The following NUMB variants were observed in gnomAD, a reference collection of about 807,000 sequenced individuals.
The protein encoded by NUMB is NUMB endocytic adaptor protein.
NUMB carries 29 observed loss-of-function variants against 59.7 expected under a neutral mutation model. That is an observed-to-expected ratio of 0.49 (90% CI 0.36 to 0.66). The LOEUF (loss-of-function observed/expected upper bound fraction) is 0.66. NUMB is among the 30% of genes least tolerant of loss of function. The pLI is 0.00. For synonymous variants in NUMB, 288 were observed against 288.2 expected, an observed-to-expected ratio of 1.00 and a Z score of 0.01; for missense variants, 723 against 822.0, an observed-to-expected ratio of 0.88 and a Z score of 1.47.
At chr14:73,293,235 T>C (rs1889515232) in intron 7 of NUMB, among the ~76,000 whole-genome samples, 1 of 152,066 alleles carries the variant, frequency 6.6e-6, no homozygotes, top group African/African-American at 2.4e-5. Flanking sequence ...CAAATACATA[T>C]AATAGTCATG....
chr14:73,299,534 T>C (rs984839775), intron 6 of NUMB, among the ~76,000 whole-genome samples: 82 of 140,128 alleles, frequency 5.9e-4, no homozygotes, highest in African/African-American at 2.3e-3. Context: ...ATAATATGTA[T>C]ATATATGTCA....
intron 1 of NUMB, among the ~76,000 whole-genome samples, 167 bp from the exon 2 acceptor site, chr14:73,410,235 G>A (rs1411328850): frequency 6.6e-6 from 1 of 152,182 alleles, no homozygotes; most frequent in African/African-American, 2.4e-5. Flanking sequence ...TCTTGAAACA[G>A]GGCAAAAATA....
At chr14:73,320,434 T>C (rs186572388) in intron 5 of NUMB, among the ~76,000 whole-genome samples, 1 of 152,332 alleles carries the variant, frequency 6.6e-6, no homozygotes, top group East Asian at 1.9e-4. Context: ...GGTCTCACTA[T>C]GTTACCCAGG....
chr14:73,349,447 C>T lies in NUMB; in HGVS notation c.126+6179G>A, dbSNP rs562575367. ...TACTAAAAATACAAAACTAGCTGGG[C>T]ATAGTGGCAGGCGCCTGTAATCCCA... On this transcript the variant is annotated intron_variant, in intron 4 of 12. Coordinates refer to ENST00000555238, the MANE Select transcript of NUMB (RefSeq NM_001005743.2). Among the ~76,000 whole-genome samples the T allele has an allele frequency of 1.2e-4, 18 of 151,862 alleles. No individual in the cohort carries two copies. In the East Asian group the frequency reaches 2.9e-3, roughly 24 times the overall value.
At position 73,279,399 on chromosome 14, in the gene NUMB, A is replaced by C; in HGVS notation, c.1122T>G (p.His374Gln). 6.3e-7 allele frequency: 1 copy of C among 1,596,858 alleles called. No homozygotes were observed. Among genetic ancestry groups the C allele is most frequent in the Non-Finnish European group, 8.5e-7 (1 of 1,171,970 alleles). Residue 374 changes from histidine to glutamine, a missense_variant, in exon 12 of 13, where the codon CAT becomes CAG. By Grantham distance (24) the His-to-Gln change is conservative (BLOSUM62 0). Around this residue, in one of 2 missense-constraint regions of NUMB, gnomAD observed 406 missense variants for 385.4 expected, o/e 1.05. Transcript: ENST00000555238. ...FQANGTDSAFHVLAKPAHTAL... is the reference protein window; with the variant it reads ...FQANGTDSAFQVLAKPAHTAL... ...CAGTATGGGCTGGCTTAGCAAGCAC[A>C]TGGAAGGCTGAGTCAGTGCCATTAG...
chr14:73,320,905 C>G (rs1594902013), intron 5 of NUMB, among the ~76,000 whole-genome samples: 1 of 150,732 alleles, frequency 6.6e-6, no homozygotes, highest in Admixed American at 6.6e-5. Context: ...AAAAAATCTA[C>G]TGAAACATTA....
chr14:73,405,925 G>T (rs897969640), intron 2 of NUMB, among the ~76,000 whole-genome samples: 3 of 151,832 alleles, frequency 2.0e-5, no homozygotes, highest in African/African-American at 7.3e-5. Context: ...CTGAGATAAT[G>T]AGTAGACCTA....
intron 4 of NUMB, among the ~76,000 whole-genome samples, chr14:73,326,448 G>A (rs1393406405): frequency 1.3e-5 from 2 of 151,988 alleles, no homozygotes; most frequent in Non-Finnish European, 2.9e-5. Flanking sequence ...CCAACATGGC[G>A]AAACCCCGTC....
At chr14:73,411,720 A>AT (rs1896901843) in intron 1 of NUMB, among the ~76,000 whole-genome samples, 1 of 152,132 alleles carries the variant, frequency 6.6e-6, no homozygotes. Context: ...CGGCTAATCT[A>AT]TTTTTACAGA....
chr14:73,308,820 G>A (rs1890605818), intron 6 of NUMB, among the ~76,000 whole-genome samples: 1 of 152,154 alleles, frequency 6.6e-6, no homozygotes, highest in Non-Finnish European at 1.5e-5. Flanking sequence ...GTTTCAAAGG[G>A]GAGTGAGAGA....
rs71450219 is a variant in NUMB, at chr14:73,353,072, G to GTTTTTCTTTTTTTTTTTTT, written c.126+2553_126+2554insAAAAAAAAAAAAAGAAAAA. 7.8e-3 allele frequency among the ~76,000 whole-genome samples: 459 copies of GTTTTTCTTTTTTTTTTTTT among 58,522 alleles called. 78 individuals carry two copies. The highest frequency in any genetic ancestry group is 0.014 in the Admixed American group (52 of 3,688). 38.4% of individuals were successfully genotyped at this position (58,522 alleles called of 152,430 possible). ...CTTAATGGATGCCACAGTTTTTCTT[G>GTTTTTCTTTTTTTTTTTTT]TTTTTTTTTTTTTTTTTTTTTTTTT... is the stretch of plus-strand genomic sequence containing the variant. On this transcript the variant is annotated intron_variant, in intron 4 of 12. Transcript: ENST00000555238.
chr14:73,320,809 A>C (rs532859224), intron 5 of NUMB, among the ~76,000 whole-genome samples: 1 of 151,946 alleles, frequency 6.6e-6, no homozygotes. Context: ...AAAAACATTA[A>C]ATTTTATTAT....
chr14:73,280,049 A>G (rs1480118480), intron 11 of NUMB, among the ~76,000 whole-genome samples: 1 of 152,044 alleles, frequency 6.6e-6, no homozygotes, highest in Non-Finnish European at 1.5e-5. Context: ...CCTAGCTACT[A>G]GGGAGGCTGA....
chr14:73,372,154 A>C (rs1020669838), intron 2 of NUMB, among the ~76,000 whole-genome samples: 1 of 151,266 alleles, frequency 6.6e-6, no homozygotes, highest in African/African-American at 2.4e-5. Context: ...AATCACTTGA[A>C]CTTGGGAGGT....
chr14:73,406,566 T>A (rs1896682381), intron 2 of NUMB, among the ~76,000 whole-genome samples: 1 of 152,136 alleles, frequency 6.6e-6, no homozygotes, highest in East Asian at 1.9e-4. Flanking sequence ...CATGTACATG[T>A]GTCTTTATAG....
At chr14:73,352,574 G>A (rs369818893) in intron 4 of NUMB, among the ~76,000 whole-genome samples, 2 of 117,992 alleles carry the variant, frequency 1.7e-5, no homozygotes, top group East Asian at 5.1e-4. Flanking sequence ...TCTCTCTGTC[G>A]CCCAGGCTGG....
At chr14:73,298,512 T>C (rs370830479) in intron 6 of NUMB, 4 of 152,240 alleles carry the variant, frequency 2.6e-5, no homozygotes, top group East Asian at 1.9e-4. Flanking sequence ...TGATGCATAA[T>C]TCCTCCTGTG....
At chr14:73,426,697 A>T (rs997715061) in intron 1 of NUMB, among the ~76,000 whole-genome samples, 1 of 152,062 alleles carries the variant, frequency 6.6e-6, no homozygotes, top group African/African-American at 2.4e-5. Flanking sequence ...AAATACAAAA[A>T]CTAGCCAGGC....
intron 1 of NUMB, among the ~76,000 whole-genome samples, chr14:73,444,069 G>A (rs370574350): frequency 6.6e-5 from 10 of 152,098 alleles, no homozygotes; most frequent in Middle Eastern, 3.4e-3. Flanking sequence ...CACCTTGCCC[G>A]GGCCGAGAGC....
Sources: gnomAD v4.1 joint callset for allele counts (sites outside exome capture counted in the v4.1 genomes callset) on GRCh38, gnomAD v4.1.1 for gene constraint, gnomAD v4.1.1 regional missense constraint, MANE v1.5 for transcripts, NCBI Gene and HGNC (gene_info 2026-07-23, HGNC 2026-07-21) for gene names.